ATP13A5: variants seen among roughly 807,000 people sequenced by gnomAD.
The protein encoded by ATP13A5 is probable cation-transporting ATPase 13A5.
ATP13A5 carries 149 observed loss-of-function variants against 150.2 expected under a neutral mutation model. The observed-to-expected ratio is 0.99, with a 90% CI of 0.87 to 1.14. The LOEUF is 1.14. Ranked by LOEUF, ATP13A5 falls within the 50% of genes most tolerant of loss-of-function variation. ATP13A5 has a pLI of 0.00. For synonymous variants in ATP13A5, 497 were observed against 522.2 expected (o/e 0.95, Z 0.66); for missense variants, 1,383 against 1,449.3 (o/e 0.95, Z 0.74).
chr3:193,305,455 C>A, intron 23 of ATP13A5, 104 bp downstream of exon 23: 1 of 931,332 alleles, frequency 1.1e-6, no homozygotes. Context: ...TCACCCATTC[C>A]TCTGTTGCAG....
intron 15 of ATP13A5, among the ~76,000 whole-genome samples, 180 bp downstream of exon 15, chr3:193,322,311 A>G (rs1370381680): frequency 6.6e-6 from 1 of 152,196 alleles, no homozygotes; most frequent in African/African-American, 2.4e-5. Flanking sequence ...CCTAGCGTAC[A>G]CAGGTAGTGT....
intron 25 of ATP13A5, among the ~76,000 whole-genome samples, chr3:193,293,995 G>A (rs937168907): frequency 6.6e-6 from 1 of 152,092 alleles, no homozygotes; most frequent in African/African-American, 2.4e-5. Context: ...GGGGCCTAGA[G>A]GTGGGCATCT....
At chr3:193,359,238 T>C (rs548476987) in intron 5 of ATP13A5, among the ~76,000 whole-genome samples, 30 of 152,262 alleles carry the variant, frequency 2.0e-4, no homozygotes, top group Admixed American at 1.5e-3. Flanking sequence ...GCTGATCTGA[T>C]GGCTGAGTAT....
intron 15 of ATP13A5, 140 bp from the exon 16 acceptor site, chr3:193,321,977 G>C: frequency 1.0e-6 from 1 of 992,282 alleles, no homozygotes; most frequent in Admixed American, 2.7e-5. Flanking sequence ...GATTTTGTGT[G>C]TGTGTGTGTG....
At chr3:193,334,512 A>G (rs1711770532) in intron 10 of ATP13A5, among the ~76,000 whole-genome samples, 1 of 152,210 alleles carries the variant, frequency 6.6e-6, no homozygotes, top group African/African-American at 2.4e-5. Flanking sequence ...ACTGGTCTAT[A>G]GGGCACCCAG....
chr3:193,288,140 A>G (rs893356899), intron 26 of ATP13A5, among the ~76,000 whole-genome samples: 1 of 152,188 alleles, frequency 6.6e-6, no homozygotes, highest in Non-Finnish European at 1.5e-5. Flanking sequence ...GTTTCTTGAG[A>G]TGGAATCTGC....
At chr3:193,375,234 A>G (rs947512585) in intron 1 of ATP13A5, among the ~76,000 whole-genome samples, 3 of 152,222 alleles carry the variant, frequency 2.0e-5, no homozygotes, top group African/African-American at 7.2e-5. Flanking sequence ...GAAAAGCTGT[A>G]TTACCTCATT....
intron 25 of ATP13A5, 94 bp from the exon 26 acceptor site, chr3:193,290,153 G>C (rs954238681): frequency 1.6e-6 from 2 of 1,254,174 alleles, no homozygotes; most frequent in Admixed American, 5.4e-5. Flanking sequence ...TCTGGCATTG[G>C]GATTCAGACT....
At chr3:193,304,586 G>A (rs552161979) in intron 23 of ATP13A5, among the ~76,000 whole-genome samples, 3 of 152,082 alleles carry the variant, frequency 2.0e-5, no homozygotes, top group Admixed American at 6.5e-5. Context: ...AAGTGCTATA[G>A]GAAACAATAG....
intron 5 of ATP13A5, among the ~76,000 whole-genome samples, chr3:193,357,768 A>G (rs572309916): frequency 2.5e-4 from 38 of 152,164 alleles, no homozygotes; most frequent in Non-Finnish European, 4.9e-4. Flanking sequence ...CCAGAAGTTG[A>G]ACAATTTCTC....
At chr3:193,352,815 G>A (rs929356178) in intron 6 of ATP13A5, among the ~76,000 whole-genome samples, 7 of 152,086 alleles carry the variant, frequency 4.6e-5, no homozygotes, top group Non-Finnish European at 1.0e-4. Context: ...AAAAAGATAT[G>A]TCCATGTTCC....
chr3:193,295,092 T>C (rs1718112421), intron 25 of ATP13A5, among the ~76,000 whole-genome samples: 1 of 152,102 alleles, frequency 6.6e-6, no homozygotes, highest in African/African-American at 2.4e-5. Flanking sequence ...TGATCATCAA[T>C]TGTTGATGAC....
At chr3:193,362,518 T>G in intron 4 of ATP13A5, 49 bp downstream of exon 4, 1 of 1,613,070 alleles carries the variant, frequency 6.2e-7, no homozygotes, top group Non-Finnish European at 8.5e-7. Context: ...AACAAATCAG[T>G]GTTTTTCCCC....
intron 22 of ATP13A5, 130 bp downstream of exon 22, chr3:193,307,197 T>G: frequency 1.9e-6 from 3 of 1,539,956 alleles, no homozygotes; most frequent in Non-Finnish European, 2.6e-6. Context: ...CAGGTAGAGG[T>G]GGATATAAAC....
chr3:193,362,751 TTC>T (rs991021821), intron 3 of ATP13A5, 114 bp from the exon 4 acceptor site: 2 of 23,182 alleles, frequency 8.6e-5, no homozygotes, highest in African/African-American at 6.6e-4. Context: ...CTTGCTTTCC[TTC>T]TTTCTTTCTT....
intron 9 of ATP13A5, among the ~76,000 whole-genome samples, chr3:193,343,398 G>A (rs1712202081): frequency 6.6e-6 from 1 of 152,152 alleles, no homozygotes; most frequent in South Asian, 2.1e-4. Context: ...AGATCAACAG[G>A]AATATAAATC....
chr3:193,309,828 T>TC (rs1311918694), intron 21 of ATP13A5, among the ~76,000 whole-genome samples: 2 of 152,182 alleles, frequency 1.3e-5, no homozygotes, highest in East Asian at 3.8e-4. Flanking sequence ...GAGATTTTTT[T>TC]CCCCACTCAA....
chr3:193,290,059 A>C lies in ATP13A5; in HGVS notation c.2849T>G (p.Met950Arg). The C allele has an allele frequency of 6.3e-7, 1 of 1,592,370 alleles. No homozygotes were observed. The highest frequency in any genetic ancestry group is 8.5e-7 in the Non-Finnish European group (1 of 1,173,028). The change falls in exon 26 of 30, where the codon ATG becomes AGG. Residue 950 changes from methionine (M) to arginine (R), a missense_variant and splice_region_variant. By Grantham distance (91) the Met-to-Arg change is moderately conservative. Coordinates refer to ENST00000342358, the MANE Select transcript of ATP13A5 (RefSeq NM_198505.4). ...CTTTGGGTAGGCATGAGTTGAACTC[A>C]CTGAAAGACAAATACATTTTTTTCC... ...VAITLMVCLT[M>R]SSTHAYPKLA...
Position 193,335,008 on chromosome 3 carries a change from G to A in ATP13A5, c.1035C>T (p.His345=), listed in dbSNP as rs755156778. The change falls in exon 10 of 30, where the codon CAC becomes CAT. Residue 345 remains histidine, a synonymous_variant. Transcript: ENST00000342358. Reference sequence around the variant, plus strand: ...TAACTTCTGTTCCACAGAAAAGGACGTGTTTCCTATAATCCTCCAAACTGT... The same window carrying A: ...TAACTTCTGTTCCACAGAAAAGGACATGTTTCCTATAATCCTCCAAACTGT... ...KCHSLEDYRK[H]VLFCGTEVIQ... 33 of 1,613,806 alleles carry A rather than the reference G, an allele frequency of 2.0e-5. No individual in the cohort carries two copies. Among genetic ancestry groups the A allele is most frequent in the African/African-American group, 6.7e-5 (5 of 74,916 alleles).
Sources: gnomAD v4.1 joint callset for allele counts (sites outside exome capture counted in the v4.1 genomes callset) on GRCh38, gnomAD v4.1.1 for gene constraint, MANE v1.5 for transcripts, NCBI Gene and HGNC (gene_info 2026-07-23, HGNC 2026-07-21) for gene names.